CABIN1: variants seen among roughly 807,000 people sequenced by gnomAD.
The protein encoded by CABIN1 is calcineurin-binding protein cabin-1.
In CABIN1, 133 loss-of-function variants were observed where a neutral mutation model predicts 227.7. That is an observed-to-expected ratio of 0.58 (90% CI 0.51 to 0.67). The LOEUF is 0.67. CABIN1 is among the 30% of genes least tolerant of loss of function. The pLI, the probability that CABIN1 is intolerant of heterozygous loss-of-function variation, is 0.00. For synonymous variants in CABIN1, 1,086 were observed against 1,155.1 expected (o/e 0.94, Z 1.21); for missense variants, 2,408 against 2,852.5 (o/e 0.84, Z 3.55).
chr22:24,159,349 G>A (rs905006688), intron 29 of CABIN1, among the ~76,000 whole-genome samples: 4 of 152,252 alleles, frequency 2.6e-5, no homozygotes, highest in Non-Finnish European at 5.9e-5. Flanking sequence ...TGACCAGGCC[G>A]GGCCAAGCCC....
chr22:24,168,593 C>A, intron 33 of CABIN1, 72 bp downstream of exon 33: 1 of 1,206,686 alleles, frequency 8.3e-7, no homozygotes, highest in Non-Finnish European at 1.2e-6. Context: ...AGGATGCAGG[C>A]TGAGAAGCAG....
rs145513360 is a variant in CABIN1 at position 24,171,827 on chromosome 22, C to T, written c.5872C>T (p.Arg1958Trp). ...PDPVPADSVQ[R>W]PSDAHTKPRP... ...CCCTGTGCCAGCTGACTCTGTCCAG[C>T]GGCCCAGTGATGCTCACACCAAGCC... Residue 1958 changes from arginine (R) to tryptophan (W), a missense_variant, in exon 34 of 37, where the codon CGG (arginine) becomes TGG (tryptophan). Coordinates refer to ENST00000263119, the MANE Select transcript of CABIN1 (RefSeq NM_012295.4). 1,301 of 1,614,130 alleles carry T rather than the reference C, an allele frequency of 8.1e-4. 7 individuals are homozygous for T. The highest frequency in any genetic ancestry group is 4.8e-4 in the Non-Finnish European group (561 of 1,180,036).
At chr22:24,063,774 A>G (rs2039373237) in intron 14 of CABIN1, among the ~76,000 whole-genome samples, 2 of 152,198 alleles carry the variant, frequency 1.3e-5, no homozygotes, top group Non-Finnish European at 2.9e-5. Flanking sequence ...GGCTTTGCTC[A>G]AGTGTCCTCA....
chr22:24,031,456 C>T (rs965903281), intron 1 of CABIN1, among the ~76,000 whole-genome samples: 3 of 152,216 alleles, frequency 2.0e-5, no homozygotes, highest in African/African-American at 7.2e-5. Context: ...CTCAGCCACA[C>T]TCTAAAATCT....
chr22:24,021,189 A>G (rs1047422232), intron 1 of CABIN1, among the ~76,000 whole-genome samples: 1 of 151,334 alleles, frequency 6.6e-6, no homozygotes, highest in African/African-American at 2.4e-5. Context: ...TTATTTATTT[A>G]TTTATTTATT....
At chr22:24,076,954 G>A (rs751725775) in intron 19 of CABIN1, among the ~76,000 whole-genome samples, 1 of 152,136 alleles carries the variant, frequency 6.6e-6, no homozygotes, top group Non-Finnish European at 1.5e-5. Flanking sequence ...ATATTTATTC[G>A]TGAAGTTCTA....
At position 24,055,850 on chromosome 22, in the gene CABIN1, CCACT is replaced by C. The variant is rs560926992; in HGVS notation, c.1094-336_1094-333del. ...CAGAGGGTACTGGGTAGGGTCATAGCCACTCACTCTGTCCGTTCTGGGTAACAGA... is the reference window on the plus strand; with the variant it reads ...CAGAGGGTACTGGGTAGGGTCATAGCCACTCTGTCCGTTCTGGGTAACAGA... On this transcript the variant is annotated intron_variant, in intron 9 of 36. Transcript: ENST00000263119. Among the ~76,000 whole-genome samples, 19 of 152,250 alleles carry C rather than the reference CCACT, an allele frequency of 1.2e-4. 1 individual carries two copies. The South Asian group carries it at 2.7e-3, about 22-fold the overall frequency.
At chr22:24,142,088 T>C (rs2044801700) in intron 29 of CABIN1, among the ~76,000 whole-genome samples, 1 of 152,134 alleles carries the variant, frequency 6.6e-6, no homozygotes, top group African/African-American at 2.4e-5. Flanking sequence ...CAGTTGGTTG[T>C]GTAACCTTGG....
chr22:24,098,293 G>T lies in CABIN1; in HGVS notation c.4117+101G>T, dbSNP rs767112485. ...TGTCGCTTCGTTTTGGTGAGGGGGGGTGCTGGGTCTGGGGTGACACGGGCA... is the reference window on the plus strand; with the variant it reads ...TGTCGCTTCGTTTTGGTGAGGGGGGTTGCTGGGTCTGGGGTGACACGGGCA... On this transcript the variant is annotated intron_variant, in intron 26 of 36. Transcript: ENST00000263119. 9.0e-4 allele frequency: 1,368 copies of T among 1,522,970 alleles called. 3 individuals carry two copies. The highest frequency in any genetic ancestry group is 1.1e-3 in the Non-Finnish European group (1,247 of 1,109,268). The allele number at this position is 1,522,970 out of a possible 1,614,324, so 94.3% of individuals were successfully genotyped here. A position where few individuals can be genotyped will look rare whatever the true frequency, so the allele number is the denominator to read the frequency against.
At chr22:24,027,647 G>A (rs1283550463) in intron 1 of CABIN1, among the ~76,000 whole-genome samples, 1 of 152,206 alleles carries the variant, frequency 6.6e-6, no homozygotes, top group Non-Finnish European at 1.5e-5. Context: ...TTGTTATTAT[G>A]GGAATAGGTT....
At chr22:24,156,124 G>T (rs1007420554) in intron 29 of CABIN1, 4 of 401,954 alleles carry the variant, frequency 1.0e-5, no homozygotes, top group Admixed American at 4.4e-5. Flanking sequence ...CGGGACTGGG[G>T]CCGGGGCTGG....
intron 10 of CABIN1, among the ~76,000 whole-genome samples, chr22:24,056,877 C>T (rs1263194784): frequency 6.6e-6 from 1 of 151,942 alleles, no homozygotes; most frequent in Non-Finnish European, 1.5e-5. Flanking sequence ...AGGAACCAGG[C>T]TCCCCAGAGC....
intron 24 of CABIN1, among the ~76,000 whole-genome samples, 194 bp from the exon 25 acceptor site, chr22:24,095,737 C>G (rs2041853412): frequency 6.6e-6 from 1 of 152,184 alleles, no homozygotes; most frequent in African/African-American, 2.4e-5. Context: ...GGAATGCTGA[C>G]AGTATACATT....
At chr22:24,072,222 C>A in intron 17 of CABIN1, 132 bp from the exon 18 acceptor site, 1 of 842,140 alleles carries the variant, frequency 1.2e-6, no homozygotes, top group Non-Finnish European at 2.0e-6. Context: ...GGTTACAGTG[C>A]CCACATCTGA....
intron 29 of CABIN1, among the ~76,000 whole-genome samples, chr22:24,149,277 G>A (rs578223621): frequency 6.6e-6 from 1 of 152,358 alleles, no homozygotes; most frequent in South Asian, 2.1e-4. Flanking sequence ...GCTGGTCAGT[G>A]TTTGTCAGCC....
intron 24 of CABIN1, among the ~76,000 whole-genome samples, chr22:24,092,617 C>A (rs1338760577): frequency 6.6e-6 from 1 of 151,804 alleles, no homozygotes; most frequent in Non-Finnish European, 1.5e-5. Flanking sequence ...CCCAGCAAGC[C>A]TCTTGGAGTG....
At chr22:24,035,753 T>C (rs986440414) in intron 2 of CABIN1, among the ~76,000 whole-genome samples, 1 of 152,064 alleles carries the variant, frequency 6.6e-6, no homozygotes. Flanking sequence ...CATGTTTTGT[T>C]GAAATCTGTT....
rs879847038 is a variant in CABIN1 at position 24,071,597 on chromosome 22, T to A, written c.2475+555T>A. On this transcript the variant is annotated intron_variant, in intron 17 of 36. Transcript: ENST00000263119. ...TCCCTCTGTCTTCATCTTTCTGCTG[T>A]AGTCCAGGCCACTGCTACTCTTGCT... 7.9e-5 allele frequency among the ~76,000 whole-genome samples: 12 copies of A among 152,180 alleles called. No individual in the cohort carries two copies. The East Asian group carries it at 2.3e-3, about 29-fold the overall frequency.
intron 1 of CABIN1, among the ~76,000 whole-genome samples, chr22:24,016,918 C>T (rs548941634): frequency 4.6e-5 from 7 of 151,592 alleles, no homozygotes; most frequent in East Asian, 1.9e-4. Flanking sequence ...GAGCTAGTTG[C>T]GTCTTCTTTT....
Sources: allele counts gnomAD v4.1 joint callset (sites outside exome capture counted in the v4.1 genomes callset), GRCh38; gene constraint gnomAD v4.1.1; transcripts MANE v1.5; gene names NCBI Gene and HGNC (gene_info 2026-07-23, HGNC 2026-07-21).